Variants in RBFOX3 observed in about 807,000 individuals in gnomAD.
The protein encoded by RBFOX3 is RNA binding protein fox-1 homolog 3.
A neutral mutation model predicts 48.7 loss-of-function variants in RBFOX3; 17 were observed. That is an observed-to-expected ratio of 0.35 (90% CI 0.24 to 0.52). RBFOX3 has a LOEUF of 0.52. Ranked by LOEUF, RBFOX3 falls within the 20% of genes least tolerant of loss-of-function variation. The probability of loss-of-function intolerance (pLI) is 0.94; values close to 1 mark genes in which losing one functional copy is unlikely to be tolerated. For missense variants in RBFOX3, 382 were observed against 497.5 expected (o/e 0.77, Z 2.21); for synonymous variants, 212 against 209.5 (o/e 1.01, Z -0.10).
intron 1 of RBFOX3, among the ~76,000 whole-genome samples, chr17:79,522,992 G>A (rs2086323928): frequency 1.3e-5 from 2 of 150,938 alleles, no homozygotes; most frequent in Admixed American, 1.3e-4. Flanking sequence ...GAACAGGATG[G>A]ACTTTGGGGA....
At chr17:79,226,463 C>T (rs2060322668) in intron 4 of RBFOX3, among the ~76,000 whole-genome samples, 1 of 152,214 alleles carries the variant, frequency 6.6e-6, no homozygotes. Flanking sequence ...GTGGGGATGG[C>T]TTCCTGGCCT....
At chr17:79,518,208 T>C (rs2085523569) in intron 1 of RBFOX3, among the ~76,000 whole-genome samples, 2 of 152,264 alleles carry the variant, frequency 1.3e-5, no homozygotes, top group Non-Finnish European at 2.9e-5. Context: ...TGTAGGTTTT[T>C]TTCTCTCTCT....
At position 79,423,623 on chromosome 17, in the gene RBFOX3, C is replaced by T. The variant is rs12951887; in HGVS notation, c.-175+58831G>A. ...CCCCCTGTGCAAACGCAGCCCCCAC[C>T]CCTTCGTCCCATTTGCTTTTTCCCA... is the stretch of plus-strand genomic sequence containing the variant. On this transcript the variant is annotated intron_variant, in intron 2 of 14. Coordinates refer to ENST00000693108, the MANE Select transcript of RBFOX3 (RefSeq NM_001350451.2). The surrounding 1 kb of genome is among the most constrained non-coding windows in gnomAD (Gnocchi z 4.9). The T allele has an allele frequency of 0.26, 39,829 of 153,066 alleles. 5,326 individuals are homozygous for T. The highest frequency in any genetic ancestry group is 0.32 in the Middle Eastern group (93 of 294). 9.5% of individuals were successfully genotyped at this position (153,066 alleles called of 1,614,324 possible).
At chr17:79,496,547 A>T (rs2081566577) in intron 1 of RBFOX3, among the ~76,000 whole-genome samples, 1 of 152,180 alleles carries the variant, frequency 6.6e-6, no homozygotes, top group Non-Finnish European at 1.5e-5. Context: ...CTGTGGGGGA[A>T]TTCTAGCCAC....
rs2061205862 is a variant in RBFOX3, at chr17:79,390,205, CACTG to C, written c.-174-82385_-174-82382del. ...GAGGTGTCCAACCTCCGGGACGCTG[CACTG>C]ACTTTCAAGTGCCCAGAGGTCCTCC... On this transcript the variant is annotated intron_variant, in intron 2 of 14. Coordinates refer to ENST00000693108, the MANE Select transcript of RBFOX3 (RefSeq NM_001350451.2). The surrounding 1 kb of genome is among the most constrained non-coding windows in gnomAD (Gnocchi z 4.2). 6.6e-6 allele frequency among the ~76,000 whole-genome samples: 1 copy of C among 152,260 alleles called. No individual in the cohort carries two copies. The highest frequency in any genetic ancestry group is 1.5e-5 in the Non-Finnish European group (1 of 68,050).
chr17:79,643,286 C>T, the RBFOX3 span, among the ~76,000 whole-genome samples: 1 of 151,796 alleles, frequency 6.6e-6, no homozygotes, highest in Non-Finnish European at 1.5e-5. Flanking sequence ...GCATAAAGGG[C>T]CTAAGAGAAG....
chr17:79,225,882 CA>C (rs796402383), intron 4 of RBFOX3, among the ~76,000 whole-genome samples: 33 of 150,748 alleles, frequency 2.2e-4, no homozygotes, highest in African/African-American at 7.6e-4. Flanking sequence ...GGAGAGTCAA[CA>C]AACATAATTT....
the RBFOX3 span, among the ~76,000 whole-genome samples, chr17:79,632,563 G>A: frequency 6.6e-6 from 1 of 152,062 alleles, no homozygotes; most frequent in African/African-American, 2.4e-5. Flanking sequence ...TGAAGTCAGA[G>A]GATCCGGAAG....
rs1481998205 is a variant in RBFOX3 at position 79,311,061 on chromosome 17, TCG to T, written c.-174-3239_-174-3238del. ...GGGTGGGTGGGCTTCATCCAGTCAG[TCG>T]AAAGGCTTCATCCGGTCAGTTAAAA... On this transcript the variant is annotated intron_variant, in intron 2 of 14. Coordinates refer to ENST00000693108, the MANE Select transcript of RBFOX3 (RefSeq NM_001350451.2). The surrounding 1 kb of genome is among the most constrained non-coding windows in gnomAD (Gnocchi z 4.2). Among the ~76,000 whole-genome samples, 1 of 152,194 alleles carries T rather than the reference TCG, an allele frequency of 6.6e-6. No homozygotes were observed. Among genetic ancestry groups the T allele is most frequent in the East Asian group, 1.9e-4 (1 of 5,172 alleles).
In RBFOX3 at chr17:79,477,257, TAAAAA is replaced by T. The variant is rs138984353; in HGVS notation, c.-175+5192_-175+5196del. Among the ~76,000 whole-genome samples the T allele has an allele frequency of 8.8e-6, 1 of 113,320 alleles. No individual in the cohort carries two copies. The highest frequency in any genetic ancestry group is 1.7e-5 in the Non-Finnish European group (1 of 58,132). The allele number at this position is 113,320 out of a possible 152,430, so 74.3% of individuals were successfully genotyped here. A position where few individuals can be genotyped will look rare whatever the true frequency, so the allele number is the denominator to read the frequency against. Reference sequence around the variant, plus strand: ...CAAAAAAAAATAAATAAAGATAAATTAAAAAAAAAAAAAAAAAAAGAGGGCGCGGT... The same window carrying T: ...CAAAAAAAAATAAATAAAGATAAATTAAAAAAAAAAAAAAGAGGGCGCGGT... On this transcript the variant is annotated intron_variant, in intron 2 of 14. Transcript: ENST00000693108. This position sits in a 1 kb window ranked among gnomAD's most constrained non-coding sequence, Gnocchi z 4.8.
At position 79,481,145 on chromosome 17, in the gene RBFOX3, A is replaced by G. The variant is rs2078719423; in HGVS notation, c.-175+1309T>C. ...ACTTCCAATTCTGCAAACTCTGGAA[A>G]GAGCATCTTTTGATGGGTATTGGAG... is the stretch of plus-strand genomic sequence containing the variant. On this transcript the variant is annotated intron_variant, in intron 2 of 14. Transcript: ENST00000693108. The surrounding 1 kb of genome is among the most constrained non-coding windows in gnomAD (Gnocchi z 5.4). 1.3e-5 allele frequency among the ~76,000 whole-genome samples: 2 copies of G among 152,180 alleles called. No individual in the cohort carries two copies.
rs2058709990 is a variant in RBFOX3 at position 79,214,078 on chromosome 17, C to T, written c.-34+21688G>A. 6.6e-6 allele frequency among the ~76,000 whole-genome samples: 1 copy of T among 152,172 alleles called. No individual in the cohort carries two copies. The highest frequency in any genetic ancestry group is 2.4e-5 in the African/African-American group (1 of 41,448). On this transcript the variant is annotated intron_variant, in intron 4 of 14. Coordinates refer to ENST00000693108, the MANE Select transcript of RBFOX3 (RefSeq NM_001350451.2). The surrounding 1 kb of genome is among the most constrained non-coding windows in gnomAD (Gnocchi z 4.7). ...TACAGCCAACCCTCGCATGGCGCCG[C>T]CCAGCTCTGGTAGGAGGGACTGAAA...
At chr17:79,439,624 A>AGCTC (rs2070393398) in intron 2 of RBFOX3, among the ~76,000 whole-genome samples, 1 of 152,216 alleles carries the variant, frequency 6.6e-6, no homozygotes, top group South Asian at 2.1e-4. Context: ...GCACACACTC[A>AGCTC]GCTCACACGC....
chr17:79,197,010 G>A (rs1049417157), intron 4 of RBFOX3, among the ~76,000 whole-genome samples: 2 of 152,210 alleles, frequency 1.3e-5, no homozygotes, highest in Non-Finnish European at 2.9e-5. Context: ...CCTGCTAACA[G>A]GGAAGTAGTA....
In RBFOX3 at chr17:79,199,673, T is replaced by C. The variant is rs1057104197; in HGVS notation, c.-34+36093A>G. On this transcript the variant is annotated intron_variant, in intron 4 of 14. Coordinates refer to ENST00000693108, the MANE Select transcript of RBFOX3 (RefSeq NM_001350451.2). The surrounding 1 kb of genome is among the most constrained non-coding windows in gnomAD (Gnocchi z 5.1). ...TAAAAGTGAGGCTCAGTCCCTTTGT[T>C]GCATGAGCTTCATTTCCAAGAGTCA... is the stretch of plus-strand genomic sequence containing the variant. Among the ~76,000 whole-genome samples the C allele has an allele frequency of 2.0e-5, 3 of 152,212 alleles. No individual in the cohort carries two copies. Among genetic ancestry groups the C allele is most frequent in the Admixed American group, 2.0e-4 (3 of 15,288 alleles).
chr17:79,210,785 C>T (rs1397052973), intron 4 of RBFOX3, among the ~76,000 whole-genome samples: 5 of 152,302 alleles, frequency 3.3e-5, no homozygotes, highest in South Asian at 4.1e-4. Context: ...GGGTGCAGCC[C>T]GCAGCAGGAG....
At chr17:79,293,070 A>C (rs1233631867) in intron 3 of RBFOX3, among the ~76,000 whole-genome samples, 1 of 152,184 alleles carries the variant, frequency 6.6e-6, no homozygotes, top group Non-Finnish European at 1.5e-5. Flanking sequence ...TGCCACTGTT[A>C]GTAATGCCTC....
chr17:79,549,034 T>C, intron 1 of RBFOX3, among the ~76,000 whole-genome samples: 1 of 152,342 alleles, frequency 6.6e-6, no homozygotes, highest in African/African-American at 2.4e-5. Context: ...AGTTTGCAGA[T>C]GAAGAAACTG....
chr17:79,563,446 A>G (rs1377709277), intron 1 of RBFOX3, among the ~76,000 whole-genome samples: 1 of 152,150 alleles, frequency 6.6e-6, no homozygotes, highest in African/African-American at 2.4e-5. Flanking sequence ...GAAGGCAGCC[A>G]CTTCTCAGCA....
Sources: allele counts gnomAD v4.1 joint callset (sites outside exome capture counted in the v4.1 genomes callset), GRCh38; gene constraint gnomAD v4.1.1; non-coding constraint Gnocchi (gnomAD v3.1); transcripts MANE v1.5; gene names NCBI Gene and HGNC (gene_info 2026-07-23, HGNC 2026-07-21).